Variants in AK9 observed in about 807,000 individuals in gnomAD.
AK9 encodes the protein adenylate kinase domain containing 1.
Under a neutral mutation model 239.6 loss-of-function variants are expected in AK9, and 191 were observed. The observed-to-expected ratio is 0.80, with a 90% CI of 0.71 to 0.90. The LOEUF is 0.90. AK9 is among the 40% of genes least tolerant of loss of function. The pLI is 0.00. For synonymous variants in AK9, 689 were observed against 721.0 expected, an observed-to-expected ratio of 0.96 and a Z score of 0.71; for missense variants, 1,995 against 2,214.7, an observed-to-expected ratio of 0.90 and a Z score of 1.99.
Position 109,493,308 on chromosome 6 carries a change from C to T in AK9, c.*61G>A. On this transcript the variant is annotated 3_prime_UTR_variant, in exon 41 of 41. Coordinates refer to ENST00000424296, the MANE Select transcript of AK9 (RefSeq NM_001145128.3). The stretch of plus-strand genomic sequence containing the variant: ...GCCCAGATTTTCAATCTACTTCTCT[C>T]AGTTTCCCTCTATCACTTTCAGATA... 2 of 1,530,010 alleles carry T rather than the reference C, an allele frequency of 1.3e-6. No homozygotes were observed. Among genetic ancestry groups the T allele is most frequent in the Non-Finnish European group, 9.0e-7 (1 of 1,116,096 alleles). The allele number at this position is 1,530,010 out of a possible 1,614,324, so 94.8% of individuals were successfully genotyped here.
At chr6:109,631,649 C>T (rs917032090) in intron 12 of AK9, 5 of 152,124 alleles carry the variant, frequency 3.3e-5, no homozygotes, top group Non-Finnish European at 5.9e-5. Context: ...AACATATGTC[C>T]ATGTGTGCAC....
At chr6:109,507,601 G>A (rs111327645) in intron 33 of AK9, among the ~76,000 whole-genome samples, 7,102 of 152,228 alleles carry the variant, frequency 0.047, 223 homozygotes, top group Middle Eastern at 0.082. Context: ...CTTCCAGGAG[G>A]AGTGGCCCCC....
At chr6:109,510,189 C>T (rs62436111) in intron 32 of AK9, among the ~76,000 whole-genome samples, 2,952 of 152,068 alleles carry the variant, frequency 0.019, 52 homozygotes, top group Non-Finnish European at 0.03. Flanking sequence ...CCAGGGCCAC[C>T]CATGGACCAA....
chr6:109,545,634 G>A (rs1010394663), intron 26 of AK9, among the ~76,000 whole-genome samples: 2 of 152,014 alleles, frequency 1.3e-5, no homozygotes, highest in African/African-American at 4.8e-5. Context: ...TCCATTAAAT[G>A]TCTTTCTTTT....
At chr6:109,509,619 C>T (rs887769978) in intron 32 of AK9, among the ~76,000 whole-genome samples, 1 of 151,982 alleles carries the variant, frequency 6.6e-6, no homozygotes, top group East Asian at 1.9e-4. Context: ...CCTCATCCTC[C>T]TGGGTGTGGC....
At chr6:109,656,931 T>C in intron 7 of AK9, 47 bp from the exon 8 acceptor site, 1 of 1,598,768 alleles carries the variant, frequency 6.3e-7, no homozygotes, top group Non-Finnish European at 8.5e-7. Flanking sequence ...TCAATGACTA[T>C]TCAATTTACA....
intron 24 of AK9, among the ~76,000 whole-genome samples, chr6:109,550,723 T>A (rs933157181): frequency 6.6e-6 from 1 of 152,236 alleles, no homozygotes; most frequent in Non-Finnish European, 1.5e-5. Context: ...ACTTTGGTAT[T>A]AAGTGGATAT....
At chr6:109,636,997 TG>T (rs1796798694) in intron 10 of AK9, among the ~76,000 whole-genome samples, 1 of 152,182 alleles carries the variant, frequency 6.6e-6, no homozygotes, top group Non-Finnish European at 1.5e-5. Flanking sequence ...AAACAGCAGC[TG>T]TACCATTTTA....
intron 10 of AK9, among the ~76,000 whole-genome samples, chr6:109,633,798 C>CT (rs1796400180): frequency 6.6e-6 from 1 of 152,144 alleles, no homozygotes; most frequent in Non-Finnish European, 1.5e-5. Flanking sequence ...ATAAGCAGTT[C>CT]TTTAATTCTT....
At chr6:109,497,683 A>AT (rs1777217240) in intron 37 of AK9, 113 bp downstream of exon 37, 8 of 1,394,974 alleles carry the variant, frequency 5.7e-6, no homozygotes, top group South Asian at 1.3e-5. Flanking sequence ...GAAATAGAAT[A>AT]TTTTTCCAAT....
intron 17 of AK9, among the ~76,000 whole-genome samples, chr6:109,595,532 C>T (rs1790903393): frequency 2.0e-5 from 3 of 152,212 alleles, no homozygotes; most frequent in Admixed American, 2.0e-4. Flanking sequence ...AATCATTTTA[C>T]TATAAAGACA....
intron 16 of AK9, among the ~76,000 whole-genome samples, chr6:109,610,754 G>A (rs1182838481): frequency 6.6e-6 from 1 of 152,114 alleles, no homozygotes; most frequent in African/African-American, 2.4e-5. Context: ...AAGTGAAAGA[G>A]GCAAGAAGAA....
chr6:109,683,065 T>C (rs867211400), intron 1 of AK9, among the ~76,000 whole-genome samples: 36 of 152,330 alleles, frequency 2.4e-4, no homozygotes, highest in Admixed American at 2.1e-3. Context: ...CAAGTCAGCT[T>C]TATCCCTGGG....
At chr6:109,623,649 G>C (rs747207142) in intron 12 of AK9, among the ~76,000 whole-genome samples, 4 of 152,068 alleles carry the variant, frequency 2.6e-5, no homozygotes, top group Non-Finnish European at 5.9e-5. Flanking sequence ...GCTTATTGTT[G>C]TTTCAAGCTG....
intron 24 of AK9, among the ~76,000 whole-genome samples, chr6:109,557,735 C>G (rs1291986049): frequency 6.6e-6 from 1 of 152,168 alleles, no homozygotes; most frequent in Non-Finnish European, 1.5e-5. Context: ...ATGTGCTCTC[C>G]TTTCTCTGGG....
At chr6:109,607,768 G>GTGTGT in intron 17 of AK9, among the ~76,000 whole-genome samples, 1 of 145,382 alleles carries the variant, frequency 6.9e-6, no homozygotes, top group African/African-American at 2.6e-5. Flanking sequence ...CCAGCAGAGG[G>GTGTGT]GTGTGTGTGT....
intron 27 of AK9, among the ~76,000 whole-genome samples, chr6:109,540,937 T>C (rs1454937422): frequency 6.6e-6 from 1 of 152,164 alleles, no homozygotes; most frequent in Non-Finnish European, 1.5e-5. Context: ...CATTATACTG[T>C]CAAAAATCAT....
At chr6:109,558,769 T>A (rs1466119491) in intron 24 of AK9, among the ~76,000 whole-genome samples, 1 of 152,238 alleles carries the variant, frequency 6.6e-6, no homozygotes, top group Non-Finnish European at 1.5e-5. Context: ...AACAGTCTGC[T>A]GGGTTTTTAA....
chr6:109,676,664 C>G (rs1247665681), intron 1 of AK9, among the ~76,000 whole-genome samples: 1 of 151,904 alleles, frequency 6.6e-6, no homozygotes, highest in East Asian at 1.9e-4. Flanking sequence ...CAATATTCTT[C>G]TAAATATTAC....
Sources: allele counts gnomAD v4.1 joint callset (sites outside exome capture counted in the v4.1 genomes callset), GRCh38; gene constraint gnomAD v4.1.1; transcripts MANE v1.5; gene names NCBI Gene and HGNC (gene_info 2026-07-23, HGNC 2026-07-21).